Variants in ZNF585B observed in about 807,000 individuals in gnomAD.
ZNF585B encodes zinc finger protein 41-like protein.
A neutral mutation model predicts 14.0 loss-of-function variants in ZNF585B; 7 were observed. The ratio of observed to expected loss-of-function variants is 0.50; its 90% CI spans 0.28 to 0.94. ZNF585B has a LOEUF of 0.94. Among genes scored for constraint, ZNF585B ranks in the 40% least tolerant of loss-of-function variants. The pLI is 0.09. For missense variants in ZNF585B, 750 were observed against 924.4 expected, an observed-to-expected ratio of 0.81 and a Z score of 2.45; for synonymous variants, 290 against 317.3, an observed-to-expected ratio of 0.91 and a Z score of 0.91.
At chr19:37,193,272 C>A (rs566330164) in intron 2 of ZNF585B, among the ~76,000 whole-genome samples, 2 of 152,086 alleles carry the variant, frequency 1.3e-5, no homozygotes, top group South Asian at 4.1e-4. Context: ...AAGATTGAGA[C>A]CATCCTGGCT....
intron 4 of ZNF585B, among the ~76,000 whole-genome samples, chr19:37,187,615 G>A (rs993509348): frequency 4.0e-5 from 6 of 151,898 alleles, no homozygotes; most frequent in African/African-American, 1.5e-4. Flanking sequence ...CCCTTTCATT[G>A]TGGAAAGAAG....
chr19:37,192,293 AAAG>A (rs1401277131), intron 2 of ZNF585B, among the ~76,000 whole-genome samples: 1 of 152,160 alleles, frequency 6.6e-6, no homozygotes, highest in African/African-American at 2.4e-5. Flanking sequence ...TGAGGGCTAA[AAAG>A]AAGAAAAAGT....
At chr19:37,201,977 CT>C (rs1384762264) in intron 2 of ZNF585B, among the ~76,000 whole-genome samples, 2 of 152,064 alleles carry the variant, frequency 1.3e-5, no homozygotes, top group African/African-American at 4.8e-5. Context: ...GCTTGCTTCA[CT>C]TTTTTCCCAG....
At position 37,207,157 on chromosome 19, in the gene ZNF585B, T is replaced by G. The variant is rs1972595507; in HGVS notation, c.-46A>C. 1 of 1,612,726 alleles carries G rather than the reference T, an allele frequency of 6.2e-7. No homozygotes were observed. The highest frequency in any genetic ancestry group is 2.2e-5 in the East Asian group (1 of 44,862). ...CTTTTTGTCTAGGGTGCCTGAAGTT[T>G]AGTGGTCATCTGTGAACTCAGCAGA... On this transcript the variant is annotated 5_prime_UTR_variant, in exon 2 of 5. Transcript: ENST00000532828.
chr19:37,185,937 T>C lies in ZNF585B; in HGVS notation c.1600A>G (p.Lys534Glu). The C allele has an allele frequency of 6.2e-7, 1 of 1,614,144 alleles. No individual in the cohort carries two copies. Among genetic ancestry groups the C allele is most frequent in the Non-Finnish European group, 8.5e-7 (1 of 1,180,036 alleles). ...CNTCGKAFTQ[K>E]SNLNIHQKIH... is the part of the protein sequence containing the mutation. ...TTCTGATGTATATTAAGATTTGACT[T>C]CTGAGTAAAGGCTTTTCCACAAGTA... The change falls in exon 5 of 5, where the codon AAG becomes GAG. Residue 534 changes from lysine to glutamate, a missense_variant. By Grantham distance (56) the Lys-to-Glu change is moderately conservative. Around this residue, in one of 2 missense-constraint regions of ZNF585B, gnomAD observed 233 missense variants for 354.1 expected, o/e 0.66. Transcript: ENST00000532828.
At chr19:37,201,178 GGCCTATCTGGAATT>G (rs1972527776) in intron 2 of ZNF585B, among the ~76,000 whole-genome samples, 1 of 151,726 alleles carries the variant, frequency 6.6e-6, no homozygotes, top group South Asian at 2.1e-4. Context: ...GAGGAGCAAA[GGCCTATCTGGAATT>G]GCCAAAGGAA....
chr19:37,210,058 T>C (rs1008147519), intron 1 of ZNF585B, among the ~76,000 whole-genome samples: 5 of 151,942 alleles, frequency 3.3e-5, no homozygotes, highest in Non-Finnish European at 7.4e-5. Context: ...AGAAAAACAA[T>C]TACTGAAAAA....
chr19:37,205,181 G>A (rs1011743943), intron 2 of ZNF585B, among the ~76,000 whole-genome samples: 2 of 152,142 alleles, frequency 1.3e-5, no homozygotes, highest in African/African-American at 4.8e-5. Flanking sequence ...GATTACAGGT[G>A]TGAACGACCG....
chr19:37,209,415 CA>C (rs1869801411), intron 1 of ZNF585B, among the ~76,000 whole-genome samples: 1 of 151,940 alleles, frequency 6.6e-6, no homozygotes, highest in African/African-American at 2.4e-5. Flanking sequence ...TCATATCTAG[CA>C]ATACACTCAA....
intron 1 of ZNF585B, 49 bp downstream of exon 1, chr19:37,210,392 A>G (rs1479739095): frequency 3.3e-5 from 5 of 152,386 alleles, no homozygotes; most frequent in African/African-American, 4.8e-5. Context: ...CTAATTCCAC[A>G]GACAACTCCT....
rs977020281 is a variant in ZNF585B at position 37,182,118 on chromosome 19, T to C, written c.*3109A>G. On this transcript the variant is annotated 3_prime_UTR_variant, in exon 5 of 5. Coordinates refer to ENST00000532828, the MANE Select transcript of ZNF585B (RefSeq NM_152279.4). ...ATATATGGGAAATCTCTGTACCTTC[T>C]GCCCCATTTTGCTGTGAACCTAAAA... 2.0e-5 allele frequency: 3 copies of C among 152,330 alleles called. No homozygotes were observed. Among genetic ancestry groups the C allele is most frequent in the Admixed American group, 6.5e-5 (1 of 15,298 alleles). The allele number at this position is 152,330 out of a possible 1,614,324, so 9.4% of individuals were successfully genotyped here. A position where few individuals can be genotyped will look rare whatever the true frequency, so the allele number is the denominator to read the frequency against.
intron 2 of ZNF585B, among the ~76,000 whole-genome samples, chr19:37,196,837 C>T (rs141138616): frequency 6.6e-6 from 1 of 152,066 alleles, no homozygotes. Flanking sequence ...TCTTTGCTAT[C>T]GGTAAGTTAA....
chr19:37,198,947 T>C (rs1198879024), intron 2 of ZNF585B: 2 of 1,489,158 alleles, frequency 1.3e-6, no homozygotes, highest in Middle Eastern at 1.7e-4. Flanking sequence ...ACCTTGTTGA[T>C]TTCTTCATTT....
At chr19:37,194,482 G>A (rs1050013486) in intron 2 of ZNF585B, among the ~76,000 whole-genome samples, 2 of 152,038 alleles carry the variant, frequency 1.3e-5, no homozygotes, top group Non-Finnish European at 2.9e-5. Context: ...GCATGGTGGC[G>A]CATGCCTGTA....
chr19:37,203,633 T>C (rs1283229201), intron 2 of ZNF585B, among the ~76,000 whole-genome samples: 4 of 152,236 alleles, frequency 2.6e-5, no homozygotes, highest in Admixed American at 1.3e-4. Context: ...TGTTTTGTTT[T>C]GTTTTGGTTT....
intron 2 of ZNF585B, among the ~76,000 whole-genome samples, chr19:37,195,345 C>CAAAAAAAAA (rs71177429): frequency 2.3e-3 from 33 of 14,302 alleles, no homozygotes; most frequent in African/African-American, 3.1e-3. Context: ...GACTCTGACT[C>CAAAAAAAAA]AAAAAAAAAA....
chr19:37,206,421 A>G (rs948130769), intron 2 of ZNF585B, among the ~76,000 whole-genome samples: 3 of 151,916 alleles, frequency 2.0e-5, no homozygotes, highest in African/African-American at 7.3e-5. Flanking sequence ...ATTGTACTCC[A>G]GCCTGGGCAA....
chr19:37,199,330 A>G (rs1972505583), intron 2 of ZNF585B: 1 of 344,300 alleles, frequency 2.9e-6, no homozygotes, highest in Admixed American at 3.9e-5. Context: ...AGTTCAAGAC[A>G]AGCCTGGGTA....
chr19:37,198,744 G>GAAAAAAAAAAAA (rs61435592), intron 2 of ZNF585B, among the ~76,000 whole-genome samples: 1 of 104,024 alleles, frequency 9.6e-6, no homozygotes. Context: ...CTCAGAAAAA[G>GAAAAAAAAAAAA]AAAAAAAAAA....
Sources: allele counts gnomAD v4.1 joint callset (sites outside exome capture counted in the v4.1 genomes callset), GRCh38; gene constraint gnomAD v4.1.1; regional missense constraint gnomAD v4.1.1; transcripts MANE v1.5; gene names NCBI Gene and HGNC (gene_info 2026-07-23, HGNC 2026-07-21).